Variants in FREM2 observed in about 807,000 individuals in gnomAD.
The protein encoded by FREM2 is FRAS1-related extracellular matrix protein 2.
A neutral mutation model predicts 219.9 loss-of-function variants in FREM2; 119 were observed. That is an observed-to-expected ratio of 0.54 (90% CI 0.47 to 0.63). FREM2 has a LOEUF of 0.63. Among genes scored for constraint, FREM2 ranks in the 30% least tolerant of loss-of-function variants. The pLI, the probability that FREM2 is intolerant of heterozygous loss-of-function variation, is 0.00. For missense variants in FREM2, 4,030 were observed against 3,993.6 expected (o/e 1.01, Z -0.25); for synonymous variants, 1,562 against 1,522.8 (o/e 1.03, Z -0.60).
chr13:38,712,783 G>A (rs554358322), intron 2 of FREM2, among the ~76,000 whole-genome samples: 6 of 151,714 alleles, frequency 4.0e-5, no homozygotes, highest in Non-Finnish European at 7.4e-5. Context: ...AATTTTCCTG[G>A]TACTAGTGCC....
rs552846733 is a variant in FREM2, at chr13:38,864,768, C to T, written c.7983+162C>T. 111 of 692,844 alleles carry T rather than the reference C, an allele frequency of 1.6e-4. No individual in the cohort carries two copies. In the African/African-American group the frequency reaches 1.6e-3, roughly 10 times the overall value. 42.9% of individuals were successfully genotyped at this position (692,844 alleles called of 1,614,324 possible). On this transcript the variant is annotated intron_variant, in intron 16 of 23. Coordinates refer to ENST00000280481, the MANE Select transcript of FREM2 (RefSeq NM_207361.6). ...AACTGGCATGGATGGTGTGAAAATCCGTGTCTATTTCTTAACAATGGGCCA... is the reference window on the plus strand; with the variant it reads ...AACTGGCATGGATGGTGTGAAAATCTGTGTCTATTTCTTAACAATGGGCCA...
intron 6 of FREM2, among the ~76,000 whole-genome samples, chr13:38,797,190 T>C (rs1874825910): frequency 6.6e-6 from 1 of 152,122 alleles, no homozygotes; most frequent in South Asian, 2.1e-4. Context: ...TACTGTTTTT[T>C]TATGGTGATT....
In FREM2 at chr13:38,697,224, G is replaced by A. The variant is rs182525964; in HGVS notation, c.5174-474G>A. On this transcript the variant is annotated intron_variant, in intron 1 of 23. Transcript: ENST00000280481. ...CAAACTTTGGAGAGCTTAAAAAATA[G>A]CCTGCTACAGCACAAAAAGTAAGAA... Among the ~76,000 whole-genome samples the A allele has an allele frequency of 1.6e-4, 24 of 152,210 alleles. No individual in the cohort carries two copies. In the East Asian group the frequency reaches 3.9e-3, roughly 24 times the overall value.
intron 2 of FREM2, among the ~76,000 whole-genome samples, chr13:38,753,252 C>T (rs1215880710): frequency 4.6e-5 from 7 of 151,882 alleles, no homozygotes; most frequent in Non-Finnish European, 1.0e-4. Flanking sequence ...AAAGTAAGTC[C>T]TCCCAAATTA....
At chr13:38,709,823 A>T (rs1870694374) in intron 2 of FREM2, among the ~76,000 whole-genome samples, 1 of 152,038 alleles carries the variant, frequency 6.6e-6, no homozygotes, top group African/African-American at 2.4e-5. Context: ...AGTGACTTGT[A>T]GTCCCAATTG....
intron 6 of FREM2, among the ~76,000 whole-genome samples, chr13:38,799,506 A>G (rs774329264): frequency 2.6e-5 from 4 of 151,938 alleles, no homozygotes; most frequent in Admixed American, 6.6e-5. Context: ...TTTAAAACTA[A>G]TATTTCTTTG....
intron 6 of FREM2, among the ~76,000 whole-genome samples, chr13:38,832,874 A>G (rs899961569): frequency 6.6e-6 from 1 of 152,028 alleles, no homozygotes; most frequent in Non-Finnish European, 1.5e-5. Flanking sequence ...GCAAAACCCC[A>G]TCTCTACATT....
At chr13:38,839,487 A>C (rs1265059054) in intron 6 of FREM2, among the ~76,000 whole-genome samples, 2 of 152,198 alleles carry the variant, frequency 1.3e-5, no homozygotes, top group Non-Finnish European at 2.9e-5. Flanking sequence ...GAGCTCGTGC[A>C]CTGTGCTGGG....
chr13:38,790,300 T>C (rs1308610778), intron 6 of FREM2, among the ~76,000 whole-genome samples: 2 of 152,180 alleles, frequency 1.3e-5, no homozygotes, highest in Non-Finnish European at 2.9e-5. Flanking sequence ...CCTGTTCCTG[T>C]GTGGGCAGTC....
intron 6 of FREM2, among the ~76,000 whole-genome samples, chr13:38,805,419 G>A (rs982175249): frequency 3.3e-5 from 5 of 151,892 alleles, no homozygotes; most frequent in African/African-American, 1.2e-4. Context: ...TTAGGAGAAG[G>A]AATTAGTCTA....
At chr13:38,848,327 G>T (rs1877237931) in intron 7 of FREM2, 134 bp from the exon 8 acceptor site, 1 of 718,610 alleles carries the variant, frequency 1.4e-6, no homozygotes, top group Non-Finnish European at 2.4e-6. Context: ...TTTATTAAAT[G>T]TACTTTTCTG....
chr13:38,721,568 T>G (rs1459178902), intron 2 of FREM2, among the ~76,000 whole-genome samples: 3 of 152,098 alleles, frequency 2.0e-5, no homozygotes, highest in African/African-American at 7.2e-5. Flanking sequence ...GCTGGGTGTA[T>G]CAGTGATCCC....
intron 6 of FREM2, among the ~76,000 whole-genome samples, chr13:38,792,425 C>G (rs771715425): frequency 6.6e-6 from 1 of 152,154 alleles, no homozygotes; most frequent in Non-Finnish European, 1.5e-5. Context: ...ATTGTCCTCT[C>G]CTTGTCAGCA....
intron 6 of FREM2, among the ~76,000 whole-genome samples, chr13:38,835,982 G>C (rs1015688244): frequency 6.6e-6 from 1 of 152,152 alleles, no homozygotes; most frequent in Non-Finnish European, 1.5e-5. Context: ...ATACTATGTT[G>C]TATAGGAGTG....
At chr13:38,761,355 A>G (rs1450882952) in intron 2 of FREM2, among the ~76,000 whole-genome samples, 1 of 152,102 alleles carries the variant, frequency 6.6e-6, no homozygotes, top group Non-Finnish European at 1.5e-5. Flanking sequence ...AGTGTGGCAT[A>G]AAGGTGTTTT....
At chr13:38,711,151 A>C (rs1870754667) in intron 2 of FREM2, among the ~76,000 whole-genome samples, 1 of 152,172 alleles carries the variant, frequency 6.6e-6, no homozygotes, top group Non-Finnish European at 1.5e-5. Context: ...CCTTGTCTTA[A>C]TGTGCTCACT....
At chr13:38,770,647 A>G (rs1156591387) in intron 4 of FREM2, among the ~76,000 whole-genome samples, 3 of 151,998 alleles carry the variant, frequency 2.0e-5, no homozygotes, top group East Asian at 2.0e-4. Context: ...CATTTGTGGC[A>G]TAATACCCAC....
chr13:38,806,295 G>T (rs760328321), intron 6 of FREM2, among the ~76,000 whole-genome samples: 1 of 151,882 alleles, frequency 6.6e-6, no homozygotes, highest in African/African-American at 2.4e-5. Context: ...TTTTATAAGG[G>T]AGGAAGTGCG....
chr13:38,752,679 A>G (rs551166839), intron 2 of FREM2, among the ~76,000 whole-genome samples: 2 of 152,330 alleles, frequency 1.3e-5, no homozygotes, highest in African/African-American at 4.8e-5. Context: ...TTGTCTCCTA[A>G]TGTGGATATA....
Sources: allele counts gnomAD v4.1 joint callset (sites outside exome capture counted in the v4.1 genomes callset), GRCh38; gene constraint gnomAD v4.1.1; transcripts MANE v1.5; gene names NCBI Gene and HGNC (gene_info 2026-07-23, HGNC 2026-07-21).